Variants in GPR149 observed in about 807,000 individuals in gnomAD.
The protein encoded by GPR149 is G protein-coupled receptor 149, also known as probable G protein-coupled receptor 149.
In GPR149, 50 loss-of-function variants were observed where a neutral mutation model predicts 50.2. The observed-to-expected ratio is 1.00, with a 90% CI of 0.79 to 1.26. GPR149 has a LOEUF of 1.26. Among genes scored for constraint, GPR149 ranks in the 50% most tolerant of loss-of-function variants. GPR149 has a pLI of 0.00. For missense variants in GPR149, 983 were observed against 895.4 expected (o/e 1.10, Z -1.25); for synonymous variants, 405 against 358.2 (o/e 1.13, Z -1.48).
intron 3 of GPR149, among the ~76,000 whole-genome samples, chr3:154,369,167 A>G (rs757900305): frequency 6.6e-6 from 1 of 152,104 alleles, no homozygotes; most frequent in East Asian, 1.9e-4. Flanking sequence ...TAAAATTCCA[A>G]ATGGGCACCA....
chr3:154,399,320 TG>T (rs1247561972), intron 3 of GPR149, among the ~76,000 whole-genome samples: 1 of 152,212 alleles, frequency 6.6e-6, no homozygotes, highest in Non-Finnish European at 1.5e-5. Context: ...TTCATACTTT[TG>T]TAAAAAATAC....
rs553536707 is a variant in GPR149, at chr3:154,392,681, A to T, written c.1623+28358T>A. 4.0e-5 allele frequency among the ~76,000 whole-genome samples: 6 copies of T among 151,860 alleles called. No individual in the cohort carries two copies. The South Asian group carries it at 1.2e-3, about 31-fold the overall frequency. On this transcript the variant is annotated intron_variant, in intron 3 of 3. Transcript: ENST00000389740. ...AAAGTATAAACAAAATAGACAAACC[A>T]CTAGTAGATTAAAAAAAAAGAGGGA...
intron 2 of GPR149, among the ~76,000 whole-genome samples, chr3:154,427,300 G>A (rs73872867): frequency 0.039 from 5,873 of 151,910 alleles, 238 homozygotes; most frequent in African/African-American, 0.098. Flanking sequence ...CAGTACCACA[G>A]GCACTTCATG....
intron 3 of GPR149, among the ~76,000 whole-genome samples, chr3:154,370,022 G>T (rs935809067): frequency 1.3e-5 from 2 of 152,142 alleles, no homozygotes; most frequent in African/African-American, 4.8e-5. Flanking sequence ...TTGCTAACTT[G>T]CATTTTAGAA....
At chr3:154,395,059 T>A (rs1270719818) in intron 3 of GPR149, among the ~76,000 whole-genome samples, 2 of 152,120 alleles carry the variant, frequency 1.3e-5, no homozygotes, top group Non-Finnish European at 2.9e-5. Flanking sequence ...CTATAGTTCA[T>A]GTAGGTAAAA....
intron 3 of GPR149, among the ~76,000 whole-genome samples, chr3:154,399,285 A>G (rs1715365257): frequency 6.6e-6 from 1 of 152,232 alleles, no homozygotes; most frequent in African/African-American, 2.4e-5. Context: ...ATCTTGTCAA[A>G]GATTCATGTT....
chr3:154,363,444 T>C (rs1424613838), intron 3 of GPR149, among the ~76,000 whole-genome samples: 3 of 152,144 alleles, frequency 2.0e-5, no homozygotes, highest in South Asian at 2.1e-4. Flanking sequence ...TCTAAGATGC[T>C]GTCCCATTGC....
chr3:154,378,388 C>T (rs76667255), intron 3 of GPR149, among the ~76,000 whole-genome samples: 359 of 152,210 alleles, frequency 2.4e-3, no homozygotes, highest in African/African-American at 7.9e-3. Flanking sequence ...GCCACCACAC[C>T]GGAACTATAT....
intron 3 of GPR149, among the ~76,000 whole-genome samples, chr3:154,396,465 CAA>C (rs1308484862): frequency 1.3e-5 from 2 of 152,078 alleles, no homozygotes; most frequent in African/African-American, 4.8e-5. Context: ...TCTTTTGCTT[CAA>C]AGTCTCCACA....
Position 154,337,712 on chromosome 3 carries a change from C to A in GPR149, c.2183G>T (p.Ser728Ile). Residue 728 changes from serine (S) to isoleucine (I), a missense_variant, in exon 4 of 4, where the codon AGC becomes ATC. Physicochemically the swap from Ser to Ile is moderately radical, Grantham distance 142. Coordinates refer to ENST00000389740, the MANE Select transcript of GPR149 (RefSeq NM_001038705.3). Reference protein sequence around the residue: ...NKAYRKREEESKGS With the variant: ...NKAYRKREEEIKGS ...ACCAAATACCCACTAACTACCCTTG[C>A]TTTCTTCCTCTCTTTTTCTGTAAGC... 1 of 1,596,108 alleles carries A rather than the reference C, an allele frequency of 6.3e-7. No homozygotes were observed. The highest frequency in any genetic ancestry group is 8.5e-7 in the Non-Finnish European group (1 of 1,171,252).
intron 3 of GPR149, among the ~76,000 whole-genome samples, chr3:154,355,962 G>A (rs907524586): frequency 3.9e-5 from 6 of 152,110 alleles, no homozygotes; most frequent in East Asian, 1.9e-4. Context: ...GAATACTTTC[G>A]TCAAACATCA....
At chr3:154,425,454 T>G (rs1268429738) in intron 2 of GPR149, among the ~76,000 whole-genome samples, 1 of 152,056 alleles carries the variant, frequency 6.6e-6, no homozygotes, top group Non-Finnish European at 1.5e-5. Context: ...GTTTTAAAAT[T>G]TTGTTGTGTT....
intron 3 of GPR149, among the ~76,000 whole-genome samples, chr3:154,403,397 G>A (rs1183547183): frequency 6.6e-6 from 1 of 152,110 alleles, no homozygotes; most frequent in Non-Finnish European, 1.5e-5. Flanking sequence ...GGGCAAAAAG[G>A]GCTTGAGGGT....
At chr3:154,351,424 C>T (rs902150510) in intron 3 of GPR149, among the ~76,000 whole-genome samples, 2 of 138,212 alleles carry the variant, frequency 1.4e-5, no homozygotes, top group African/African-American at 5.3e-5. Context: ...AAATGTAAAA[C>T]TAAAAATTTT....
intron 3 of GPR149, among the ~76,000 whole-genome samples, chr3:154,348,111 T>C (rs552741653): frequency 3.5e-4 from 54 of 152,304 alleles, no homozygotes; most frequent in Non-Finnish European, 8.8e-5. Flanking sequence ...TAAATGTTAG[T>C]TATTATTGGA....
intron 3 of GPR149, chr3:154,352,774 A>G (rs535096346): frequency 1.2e-6 from 1 of 803,922 alleles, no homozygotes; most frequent in East Asian, 2.4e-5. Flanking sequence ...AGATTTAACT[A>G]AATCCATTGT....
intron 3 of GPR149, among the ~76,000 whole-genome samples, chr3:154,380,518 A>G (rs1714896977): frequency 6.6e-6 from 1 of 152,172 alleles, no homozygotes; most frequent in Admixed American, 6.6e-5. Flanking sequence ...TCCTACATTT[A>G]TATGATTGCA....
intron 3 of GPR149, among the ~76,000 whole-genome samples, chr3:154,410,692 AC>A (rs1268844591): frequency 6.6e-6 from 1 of 152,116 alleles, no homozygotes. Flanking sequence ...AATTTATAAA[AC>A]TATTACTACT....
chr3:154,428,789 C>G lies in GPR149; in HGVS notation c.827G>C (p.Gly276Ala). 6.2e-7 allele frequency: 1 copy of G among 1,613,882 alleles called. No individual in the cohort carries two copies. The highest frequency in any genetic ancestry group is 8.5e-7 in the Non-Finnish European group (1 of 1,180,018). Residue 276 changes from glycine (G) to alanine (A), a missense_variant, in exon 1 of 4, where the codon GGA becomes GCA. Coordinates refer to ENST00000389740, the MANE Select transcript of GPR149 (RefSeq NM_001038705.3). ...GCSPSSDTVF[G>A]PGAPAAAGAE... ...CCCAGCGGCAGCGGGCGCACCCGGT[C>G]CGAACACGGTGTCGGAGCTCGGAGA...
Sources: allele counts gnomAD v4.1 joint callset (sites outside exome capture counted in the v4.1 genomes callset), GRCh38; gene constraint gnomAD v4.1.1; transcripts MANE v1.5; gene names NCBI Gene and HGNC (gene_info 2026-07-23, HGNC 2026-07-21).